Variants in DENND2A observed in about 807,000 individuals in gnomAD.
The protein encoded by DENND2A is DENN domain-containing protein 2A.
Under a neutral mutation model 105.3 loss-of-function variants are expected in DENND2A, and 53 were observed. That is an observed-to-expected ratio of 0.50 (90% CI 0.40 to 0.63). DENND2A has a LOEUF of 0.63. Among genes scored for constraint, DENND2A ranks in the 30% least tolerant of loss-of-function variants. DENND2A has a pLI of 0.00. For missense variants in DENND2A, 1,138 were observed against 1,279.6 expected (o/e 0.89, Z 1.69); for synonymous variants, 522 against 508.4 (o/e 1.03, Z -0.36).
At chr7:140,542,847 T>C (rs953485578) in intron 14 of DENND2A, among the ~76,000 whole-genome samples, 1 of 152,128 alleles carries the variant, frequency 6.6e-6, no homozygotes, top group Non-Finnish European at 1.5e-5. Context: ...ATTACAGTCA[T>C]GAGCCACCGC....
At chr7:140,535,091 G>T (rs1796412109) in intron 14 of DENND2A, among the ~76,000 whole-genome samples, 1 of 152,152 alleles carries the variant, frequency 6.6e-6, no homozygotes, top group Non-Finnish European at 1.5e-5. Flanking sequence ...CCTATGCTCA[G>T]CTGGCTTCCA....
At chr7:140,596,907 A>G (rs1187066459) in intron 3 of DENND2A, among the ~76,000 whole-genome samples, 1 of 152,252 alleles carries the variant, frequency 6.6e-6, no homozygotes, top group Non-Finnish European at 1.5e-5. Flanking sequence ...TGTATGCCAT[A>G]AAACACATAT....
Position 140,518,493 on chromosome 7 carries a change from G to A in DENND2A, c.*214C>T, listed in dbSNP as rs1412711667. The A allele has an allele frequency of 1.1e-5, 5 of 461,354 alleles. No individual in the cohort carries two copies. Among genetic ancestry groups the A allele is most frequent in the Admixed American group, 3.9e-5 (1 of 25,524 alleles). The allele number at this position is 461,354 out of a possible 1,614,324, so 28.6% of individuals were successfully genotyped here. A position where few individuals can be genotyped will look rare whatever the true frequency, so the allele number is the denominator to read the frequency against. On this transcript the variant is annotated 3_prime_UTR_variant, in exon 20 of 20. Coordinates refer to ENST00000496613, the MANE Select transcript of DENND2A (RefSeq NM_015689.5). ...CAAAACAACCCATTTGCATGTCGGCGACACGCCTGGTCTCGGGCTCCCTTT... is the reference window on the plus strand; with the variant it reads ...CAAAACAACCCATTTGCATGTCGGCAACACGCCTGGTCTCGGGCTCCCTTT...
rs1799006457 is a variant in DENND2A at position 140,591,276 on chromosome 7, ACT to A, written c.996-3498_996-3497del. 2.0e-5 allele frequency among the ~76,000 whole-genome samples: 3 copies of A among 152,208 alleles called. No individual in the cohort carries two copies. The South Asian group carries it at 6.2e-4, about 32-fold the overall frequency. On this transcript the variant is annotated intron_variant, in intron 3 of 19. Transcript: ENST00000496613. ...CAAGCCACTGCATTCCAGCCACTGC[ACT>A]CTCACTCATTTTGAGACAGAGTGAG...
chr7:140,614,087 C>T (rs1191195064), intron 1 of DENND2A, among the ~76,000 whole-genome samples: 2 of 152,054 alleles, frequency 1.3e-5, no homozygotes, highest in East Asian at 1.9e-4. Flanking sequence ...GCACAGGAGA[C>T]ACAGATCTTT....
At chr7:140,576,163 A>G (rs998490805) in intron 5 of DENND2A, among the ~76,000 whole-genome samples, 1 of 151,972 alleles carries the variant, frequency 6.6e-6, no homozygotes, top group Non-Finnish European at 1.5e-5. Context: ...ACTATTTTCA[A>G]TGAGCTCTAC....
At chr7:140,639,561 AAGG>A (rs1191560635) in intron 1 of DENND2A, among the ~76,000 whole-genome samples, 1 of 152,122 alleles carries the variant, frequency 6.6e-6, no homozygotes, top group Non-Finnish European at 1.5e-5. Flanking sequence ...TTGATGATGT[AAGG>A]AGAAGGGATT....
chr7:140,581,933 C>A (rs542404721), intron 5 of DENND2A, among the ~76,000 whole-genome samples: 1 of 150,932 alleles, frequency 6.6e-6, no homozygotes, highest in East Asian at 1.9e-4. Flanking sequence ...CAGGGAGGAG[C>A]GTTCTGCCCT....
At chr7:140,618,906 C>A (rs1800181511) in intron 1 of DENND2A, among the ~76,000 whole-genome samples, 1 of 152,058 alleles carries the variant, frequency 6.6e-6, no homozygotes, top group Non-Finnish European at 1.5e-5. Flanking sequence ...TCACGCCATT[C>A]TCCTGCCTCA....
intron 9 of DENND2A, among the ~76,000 whole-genome samples, chr7:140,565,076 C>T (rs868534039): frequency 6.6e-6 from 1 of 152,292 alleles, no homozygotes; most frequent in Middle Eastern, 3.4e-3. Context: ...CTATCCTAAA[C>T]TCCAAAAATA....
chr7:140,622,658 C>A (rs1395461474), intron 1 of DENND2A, among the ~76,000 whole-genome samples: 1 of 152,124 alleles, frequency 6.6e-6, no homozygotes. Context: ...GTCCAAGAGA[C>A]AATTCAACCC....
chr7:140,540,315 GGGA>G (rs550772187), intron 14 of DENND2A, among the ~76,000 whole-genome samples: 7 of 152,378 alleles, frequency 4.6e-5, no homozygotes, highest in Admixed American at 4.6e-4. Context: ...CGTGCCCGTG[GGGA>G]GACCTGCTTG....
chr7:140,590,313 CG>C (rs1798962431), intron 3 of DENND2A, among the ~76,000 whole-genome samples: 1 of 152,020 alleles, frequency 6.6e-6, no homozygotes, highest in Admixed American at 6.6e-5. Context: ...TCGCTTGAAC[CG>C]GGGAGGTGGA....
intron 1 of DENND2A, among the ~76,000 whole-genome samples, chr7:140,612,590 C>T (rs1799940709): frequency 6.6e-6 from 1 of 151,960 alleles, no homozygotes; most frequent in South Asian, 2.1e-4. Flanking sequence ...CAACCTCCAC[C>T]TCGCGGGTTC....
chr7:140,567,194 G>A lies in DENND2A; in HGVS notation c.1671C>T (p.Ile557=), dbSNP rs1310181244. The change falls in exon 9 of 20, where the codon ATC becomes ATT. Residue 557 remains isoleucine (I), a synonymous_variant. Transcript: ENST00000496613. The part of the protein sequence containing the change: ...PRYPSLAREL[I]EYQERQLFEY... ...CGAAGAGCTGCCTCTCCTGGTACTC[G>A]ATGAGTTCCCGGGCAAGTGATGGGT... 12 of 1,613,818 alleles carry A rather than the reference G, an allele frequency of 7.4e-6. No homozygotes were observed. The highest frequency in any genetic ancestry group is 7.6e-6 in the Non-Finnish European group (9 of 1,179,938).
rs116092469 is a variant in DENND2A, at chr7:140,638,512, G to A, written c.-248+1992C>T. Among the ~76,000 whole-genome samples, 930 of 152,148 alleles carry A rather than the reference G, an allele frequency of 6.1e-3. 5 individuals are homozygous for A. The highest frequency in any genetic ancestry group is 0.021 in the African/African-American group (875 of 41,490). On this transcript the variant is annotated intron_variant, in intron 1 of 19. Coordinates refer to ENST00000496613, the MANE Select transcript of DENND2A (RefSeq NM_015689.5). ...GCCTTGGTCTCCTCCTCCTCCTCCA[G>A]GCCTCCCCACCCAACAACTAGAAGG...
rs1795941957 is a variant in DENND2A at position 140,523,640 on chromosome 7, T to C, written c.2548-216A>G. On this transcript the variant is annotated intron_variant, in intron 16 of 19. Transcript: ENST00000496613. The surrounding 1 kb of genome is among the most constrained non-coding windows in gnomAD (Gnocchi z 4.5). ...TCGCATAGTCTGGAGTGCAATGCCA[T>C]GATCTTGGCTCACTGCAACCTCTGC... Among the ~76,000 whole-genome samples, 2 of 152,148 alleles carry C rather than the reference T, an allele frequency of 1.3e-5. No individual in the cohort carries two copies. The highest frequency in any genetic ancestry group is 4.1e-4 in the South Asian group (2 of 4,830).
Position 140,587,857 on chromosome 7 carries a change from T to C in DENND2A, c.996-77A>G, listed in dbSNP as rs373710831. On this transcript the variant is annotated intron_variant, in intron 3 of 19. Coordinates refer to ENST00000496613, the MANE Select transcript of DENND2A (RefSeq NM_015689.5). Reference sequence around the variant, plus strand: ...CTGTTTCAGAGAATATATTAATATATCCCCTCGGCCAAATTTTCTTTTTCT... The same window carrying C: ...CTGTTTCAGAGAATATATTAATATACCCCCTCGGCCAAATTTTCTTTTTCT... The C allele has an allele frequency of 4.2e-5, 57 of 1,346,914 alleles. No individual in the cohort carries two copies. In the East Asian group the frequency reaches 5.2e-4, roughly 12 times the overall value. The allele number at this position is 1,346,914 out of a possible 1,614,324, so 83.4% of individuals were successfully genotyped here.
chr7:140,575,978 T>C (rs269222), intron 5 of DENND2A, among the ~76,000 whole-genome samples: 1 of 149,274 alleles, frequency 6.7e-6, no homozygotes, highest in Admixed American at 6.7e-5. Context: ...CAAAAAAAAA[T>C]AAATAAATAA....
Sources: gnomAD v4.1 joint callset for allele counts (sites outside exome capture counted in the v4.1 genomes callset) on GRCh38, gnomAD v4.1.1 for gene constraint, Gnocchi (gnomAD v3.1) non-coding constraint, MANE v1.5 for transcripts, NCBI Gene and HGNC (gene_info 2026-07-23, HGNC 2026-07-21) for gene names.